The following KIF6 variants were observed in gnomAD, a reference collection of about 807,000 sequenced individuals.
KIF6 encodes kinesin-like protein KIF6.
Under a neutral mutation model 112.7 loss-of-function variants are expected in KIF6, and 106 were observed. The ratio of observed to expected loss-of-function variants is 0.94; its 90% CI spans 0.80 to 1.11. The LOEUF (loss-of-function observed/expected upper bound fraction) is 1.11. KIF6 is among the 50% of genes least tolerant of loss of function. KIF6 has a pLI of 0.00. For missense variants in KIF6, 929 were observed against 964.0 expected, an observed-to-expected ratio of 0.96 and a Z score of 0.48; for synonymous variants, 339 against 339.9, an observed-to-expected ratio of 1.00 and a Z score of 0.03.
chr6:39,631,738 A>T (rs1427147234), intron 5 of KIF6, among the ~76,000 whole-genome samples: 3 of 150,840 alleles, frequency 2.0e-5, no homozygotes, highest in Admixed American at 2.0e-4. Flanking sequence ...TTTTTTGTAC[A>T]ATCTTTGCCC....
chr6:39,349,283 C>G lies in KIF6; in HGVS notation c.2181-2757G>C, dbSNP rs376081566. 1.1e-4 allele frequency among the ~76,000 whole-genome samples: 16 copies of G among 152,240 alleles called. No individual in the cohort carries two copies. The South Asian group carries it at 3.3e-3, about 32-fold the overall frequency. On this transcript the variant is annotated intron_variant, in intron 19 of 22. Transcript: ENST00000287152. The stretch of plus-strand genomic sequence containing the variant: ...TGATGGGTGGCACAGCAGACAGTCC[C>G]TGGAGGCCTTGCCCAGGGGCTACTC...
intron 3 of KIF6, chr6:39,691,352 G>T (rs182760571): frequency 6.6e-6 from 1 of 152,312 alleles, no homozygotes; most frequent in African/African-American, 2.4e-5. Flanking sequence ...GCTCAGTGTG[G>T]AGTTAAATTA....
chr6:39,718,785 G>A (rs948980482), intron 2 of KIF6, among the ~76,000 whole-genome samples: 3 of 151,476 alleles, frequency 2.0e-5, no homozygotes, highest in Non-Finnish European at 4.4e-5. Context: ...ACAGGTTTTA[G>A]GGCTATTCCT....
chr6:39,573,114 A>C (rs1780736121), intron 10 of KIF6, among the ~76,000 whole-genome samples: 1 of 151,948 alleles, frequency 6.6e-6, no homozygotes, highest in Non-Finnish European at 1.5e-5. Context: ...AGGAATCTGC[A>C]GGACAGAGAA....
At chr6:39,687,818 T>C (rs1389043738) in intron 3 of KIF6, among the ~76,000 whole-genome samples, 1 of 152,220 alleles carries the variant, frequency 6.6e-6, no homozygotes, top group Non-Finnish European at 1.5e-5. Context: ...TGCTGCACTT[T>C]TCTTTTCCAC....
chr6:39,619,776 AT>A (rs1313322845), intron 5 of KIF6, among the ~76,000 whole-genome samples: 1 of 152,202 alleles, frequency 6.6e-6, no homozygotes, highest in East Asian at 1.9e-4. Context: ...GCACTCATTT[AT>A]TTATTAGTCA....
chr6:39,341,029 A>G (rs1261668964), intron 22 of KIF6, among the ~76,000 whole-genome samples: 1 of 151,882 alleles, frequency 6.6e-6, no homozygotes, highest in Non-Finnish European at 1.5e-5. Flanking sequence ...CTCTCCCACC[A>G]CAGCATCAGT....
At chr6:39,584,571 T>C (rs1399348394) in intron 9 of KIF6, among the ~76,000 whole-genome samples, 1 of 151,910 alleles carries the variant, frequency 6.6e-6, no homozygotes, top group Non-Finnish European at 1.5e-5. Context: ...ATTCCCTGCA[T>C]GTCTTTGAAG....
At chr6:39,468,670 G>A (rs992108038) in intron 13 of KIF6, among the ~76,000 whole-genome samples, 2 of 151,796 alleles carry the variant, frequency 1.3e-5, no homozygotes, top group African/African-American at 4.8e-5. Flanking sequence ...ATAAAAATGG[G>A]AGAATTCATT....
chr6:39,379,893 C>T (rs1235288471), intron 16 of KIF6, among the ~76,000 whole-genome samples: 1 of 152,214 alleles, frequency 6.6e-6, no homozygotes, highest in African/African-American at 2.4e-5. Context: ...GGCAGGTTTC[C>T]TTAACCCCTT....
chr6:39,625,234 A>T (rs1784030986), intron 5 of KIF6, among the ~76,000 whole-genome samples: 1 of 151,854 alleles, frequency 6.6e-6, no homozygotes, highest in African/African-American at 2.4e-5. Context: ...GACTAAGACA[A>T]CCTCCTAATT....
chr6:39,649,495 G>T (rs1415305683), intron 3 of KIF6, among the ~76,000 whole-genome samples: 1 of 152,174 alleles, frequency 6.6e-6, no homozygotes, highest in African/African-American at 2.4e-5. Context: ...CACAAAGAAA[G>T]AGACCCACAG....
chr6:39,439,660 A>C (rs929702422), intron 13 of KIF6, among the ~76,000 whole-genome samples: 2 of 152,158 alleles, frequency 1.3e-5, no homozygotes, highest in African/African-American at 2.4e-5. Context: ...TAGGCATCCA[A>C]ATTCTTGTGC....
chr6:39,642,675 G>A (rs1408336853), intron 3 of KIF6, among the ~76,000 whole-genome samples: 3 of 152,130 alleles, frequency 2.0e-5, no homozygotes, highest in African/African-American at 7.2e-5. Context: ...TGCAATGCCA[G>A]TGAAGTAAAC....
intron 13 of KIF6, among the ~76,000 whole-genome samples, chr6:39,516,298 G>C (rs1777080120): frequency 6.7e-6 from 1 of 150,306 alleles, no homozygotes; most frequent in Admixed American, 6.6e-5. Context: ...ATGTTTCAAT[G>C]GATATATATA....
intron 6 of KIF6, among the ~76,000 whole-genome samples, chr6:39,607,856 C>T (rs1393745334): frequency 6.6e-6 from 1 of 152,122 alleles, no homozygotes. Flanking sequence ...ATCTTTCAAA[C>T]AAAAATTTGT....
chr6:39,513,101 A>G (rs913646330), intron 13 of KIF6, among the ~76,000 whole-genome samples: 6 of 151,996 alleles, frequency 3.9e-5, no homozygotes, highest in African/African-American at 1.4e-4. Context: ...ATGACTACAA[A>G]CTTCATGTTT....
intron 10 of KIF6, among the ~76,000 whole-genome samples, chr6:39,571,716 C>T (rs765835691): frequency 1.4e-4 from 22 of 152,184 alleles, no homozygotes; most frequent in Non-Finnish European, 2.2e-4. Flanking sequence ...CATAACCCAC[C>T]ATGAGGTCAC....
chr6:39,358,705 G>A (rs185169314), intron 18 of KIF6, among the ~76,000 whole-genome samples: 18 of 152,344 alleles, frequency 1.2e-4, no homozygotes, highest in African/African-American at 3.4e-4. Flanking sequence ...TGCCAATGTG[G>A]ATGGGAGCCA....
Sources: allele counts gnomAD v4.1 joint callset (sites outside exome capture counted in the v4.1 genomes callset), GRCh38; gene constraint gnomAD v4.1.1; transcripts MANE v1.5; gene names NCBI Gene and HGNC (gene_info 2026-07-23, HGNC 2026-07-21).